Variants in PTPRN2 observed in about 807,000 individuals in gnomAD.
PTPRN2 encodes protein tyrosine phosphatase receptor type N2, also known as receptor-type tyrosine-protein phosphatase N2.
PTPRN2 carries 74 observed loss-of-function variants against 118.8 expected under a neutral mutation model. The ratio of observed to expected loss-of-function variants is 0.62; its 90% CI spans 0.52 to 0.76. PTPRN2 has a LOEUF of 0.76. Ranked by LOEUF, PTPRN2 falls within the 30% of genes least tolerant of loss-of-function variation. The probability of loss-of-function intolerance (pLI) is 0.00; values close to 1 mark genes in which losing one functional copy is unlikely to be tolerated. For synonymous variants in PTPRN2, 641 were observed against 608.0 expected, an observed-to-expected ratio of 1.05 and a Z score of -0.80; for missense variants, 1,481 against 1,394.4, an observed-to-expected ratio of 1.06 and a Z score of -0.99.
intron 22 of PTPRN2, among the ~76,000 whole-genome samples, chr7:157,541,104 C>T (rs189868630): frequency 1.8e-3 from 280 of 152,346 alleles, no homozygotes; most frequent in African/African-American, 5.9e-3. Flanking sequence ...ACGGTTCCTG[C>T]GTACTGCCCT....
At chr7:158,226,165 T>C (rs559949993) in intron 3 of PTPRN2, among the ~76,000 whole-genome samples, 2 of 152,308 alleles carry the variant, frequency 1.3e-5, no homozygotes, top group South Asian at 4.2e-4. Context: ...TCAGGATTTG[T>C]GAATAATGAA....
chr7:158,102,114 GC>G (rs1385834662), intron 10 of PTPRN2, among the ~76,000 whole-genome samples: 2 of 152,144 alleles, frequency 1.3e-5, no homozygotes, highest in African/African-American at 4.8e-5. Context: ...GTGCCAGGCA[GC>G]CCTCAGCCCA....
chr7:158,004,904 A>G (rs1446944492), intron 11 of PTPRN2, among the ~76,000 whole-genome samples: 1 of 152,148 alleles, frequency 6.6e-6, no homozygotes, highest in Non-Finnish European at 1.5e-5. Context: ...AAAACCTCTT[A>G]GGGTATGAAG....
At chr7:158,375,100 C>T (rs1810397900) in intron 2 of PTPRN2, among the ~76,000 whole-genome samples, 1 of 152,116 alleles carries the variant, frequency 6.6e-6, no homozygotes, top group Non-Finnish European at 1.5e-5. Context: ...GAAACCAGCT[C>T]TCAGCTGCTT....
intron 2 of PTPRN2, among the ~76,000 whole-genome samples, chr7:158,456,160 C>A (rs1001697243): frequency 6.0e-5 from 9 of 150,230 alleles, no homozygotes; most frequent in Non-Finnish European, 7.4e-5. Context: ...TGGACGCCAT[C>A]AGCCACAGCC....
intron 2 of PTPRN2, among the ~76,000 whole-genome samples, chr7:158,446,066 C>A (rs1817707235): frequency 6.6e-6 from 1 of 152,144 alleles, no homozygotes; most frequent in African/African-American, 2.4e-5. Flanking sequence ...TCAGCGTGGG[C>A]AGGTAAACCC....
At chr7:157,882,133 G>A (rs1166137871) in intron 12 of PTPRN2, among the ~76,000 whole-genome samples, 2 of 151,646 alleles carry the variant, frequency 1.3e-5, no homozygotes, top group Non-Finnish European at 2.9e-5. Flanking sequence ...CCCCAAAAAT[G>A]ACTGTCGAAG....
chr7:158,342,190 A>T lies in PTPRN2; in HGVS notation c.164-25258T>A, dbSNP rs1177322803. Among the ~76,000 whole-genome samples the T allele has an allele frequency of 1.4e-5, 2 of 138,488 alleles. 1 individual carries two copies. The highest frequency in any genetic ancestry group is 5.6e-5 in the African/African-American group (2 of 35,924). The allele number at this position is 138,488 out of a possible 152,430, so 90.9% of individuals were successfully genotyped here. ...TCTCACCATAAGAGCCGACGCCCAC[A>T]GACGTCACTCACACCCACACACGTC... On this transcript the variant is annotated intron_variant, in intron 2 of 22. Coordinates refer to ENST00000389418, the MANE Select transcript of PTPRN2 (RefSeq NM_002847.5).
At chr7:158,128,440 T>G (rs771090711) in intron 9 of PTPRN2, among the ~76,000 whole-genome samples, 1 of 152,030 alleles carries the variant, frequency 6.6e-6, no homozygotes, top group Non-Finnish European at 1.5e-5. Context: ...CCACTGCTCA[T>G]AGGAGGTAAA....
chr7:157,624,693 G>A (rs944580366), intron 14 of PTPRN2, among the ~76,000 whole-genome samples: 1 of 152,232 alleles, frequency 6.6e-6, no homozygotes, highest in Admixed American at 6.5e-5. Flanking sequence ...ACCATCATAA[G>A]TTGGGGGCCG....
In PTPRN2 at chr7:158,150,249, C is replaced by T. The variant is rs1484030324; in HGVS notation, c.911-11734G>A. 2.6e-5 allele frequency among the ~76,000 whole-genome samples: 4 copies of T among 152,338 alleles called. No homozygotes were observed. The East Asian group carries it at 7.7e-4, about 29-fold the overall frequency. On this transcript the variant is annotated intron_variant, in intron 6 of 22. Coordinates refer to ENST00000389418, the MANE Select transcript of PTPRN2 (RefSeq NM_002847.5). ...AGGCAGAAAAATAGATGGATGTATT[C>T]ATGAGAGATTTTTAAACAAGTTGAA... is the stretch of plus-strand genomic sequence containing the variant.
At chr7:158,297,453 A>G (rs1397150363) in intron 3 of PTPRN2, among the ~76,000 whole-genome samples, 1 of 152,160 alleles carries the variant, frequency 6.6e-6, no homozygotes, top group Non-Finnish European at 1.5e-5. Flanking sequence ...TGGTTCAGCA[A>G]CCCTCAGCCC....
At chr7:157,543,240 C>T (rs1016618891) in intron 22 of PTPRN2, among the ~76,000 whole-genome samples, 1 of 152,210 alleles carries the variant, frequency 6.6e-6, no homozygotes, top group African/African-American at 2.4e-5. Context: ...ACAGGACATT[C>T]GAGAGGCCGA....
intron 13 of PTPRN2, among the ~76,000 whole-genome samples, chr7:157,661,228 T>A (rs1038279619): frequency 1.3e-5 from 2 of 152,272 alleles, no homozygotes; most frequent in Admixed American, 6.5e-5. Context: ...CAGGGTCTTC[T>A]TGAAGGTCTT....
intron 12 of PTPRN2, among the ~76,000 whole-genome samples, chr7:157,835,223 C>T (rs919339052): frequency 2.6e-5 from 4 of 152,060 alleles, no homozygotes; most frequent in African/African-American, 4.8e-5. Flanking sequence ...CCCTTTCCAA[C>T]GAAGATGCAA....
chr7:158,569,320 G>C (rs1438762702), intron 1 of PTPRN2, among the ~76,000 whole-genome samples: 2 of 152,226 alleles, frequency 1.3e-5, no homozygotes, highest in African/African-American at 4.8e-5. Flanking sequence ...TGTAAACCAG[G>C]GAGTTTGGAC....
intron 12 of PTPRN2, among the ~76,000 whole-genome samples, chr7:157,885,117 T>C (rs1348168994): frequency 6.6e-6 from 1 of 152,186 alleles, no homozygotes; most frequent in Non-Finnish European, 1.5e-5. Flanking sequence ...CACAGAGTAG[T>C]AGCTTGAGGC....
At chr7:158,126,630 G>A (rs1390350144) in intron 9 of PTPRN2, among the ~76,000 whole-genome samples, 6 of 116,968 alleles carry the variant, frequency 5.1e-5, no homozygotes, top group South Asian at 7.0e-4. Flanking sequence ...CCCGGAGAGC[G>A]GGCGGCGGAA....
intron 12 of PTPRN2, among the ~76,000 whole-genome samples, chr7:157,718,949 G>A (rs990738613): frequency 3.3e-5 from 5 of 152,202 alleles, no homozygotes; most frequent in South Asian, 2.1e-4. Flanking sequence ...CCCACCCCTT[G>A]CCTCCATCCC....
Sources: allele counts gnomAD v4.1 joint callset (sites outside exome capture counted in the v4.1 genomes callset), GRCh38; gene constraint gnomAD v4.1.1; transcripts MANE v1.5; gene names NCBI Gene and HGNC (gene_info 2026-07-23, HGNC 2026-07-21).